The following PIR variants were observed in gnomAD, a reference collection of about 807,000 sequenced individuals.
PIR encodes pirin.
PIR carries 22 observed loss-of-function variants against 24.2 expected under a neutral mutation model. That is an observed-to-expected ratio of 0.91 (90% CI 0.65 to 1.30). The LOEUF is 1.30. Ranked by LOEUF, PIR falls within the 50% of genes most tolerant of loss-of-function variation. The pLI is 0.00. For synonymous variants in PIR, 80 were observed against 79.6 expected (o/e 1.00, Z -0.03); for missense variants, 220 against 220.3 (o/e 1.00, Z 0.01).
chrX:15,432,703 A>G (rs998455890), intron 5 of PIR, among the ~76,000 whole-genome samples: 1 of 112,358 alleles, frequency 8.9e-6, no homozygotes, highest in African/African-American at 3.2e-5. Context: ...AACACATTGA[A>G]GAAGAACCAG....
intron 5 of PIR, among the ~76,000 whole-genome samples, chrX:15,435,202 G>C (rs1181928190): frequency 9.8e-6 from 1 of 101,812 alleles, no homozygotes; most frequent in East Asian, 3.0e-4. Context: ...GTCAAAAAAA[G>C]AAAAAGAGAA....
chrX:15,474,924 A>G (rs1922113280), intron 3 of PIR, among the ~76,000 whole-genome samples: 1 of 112,196 alleles, frequency 8.9e-6, no homozygotes, highest in Non-Finnish European at 1.9e-5. Context: ...ATTAATAGGA[A>G]TATAGCTAAT....
At chrX:15,489,066 A>G (rs952226487) in intron 2 of PIR, among the ~76,000 whole-genome samples, 10 of 112,086 alleles carry the variant, frequency 8.9e-5, no homozygotes, top group Non-Finnish European at 1.9e-4. Context: ...AATGTAGTCA[A>G]TGCACCACAG....
chrX:15,421,491 T>C (rs760896626), intron 6 of PIR, among the ~76,000 whole-genome samples: 9 of 110,462 alleles, frequency 8.1e-5, no homozygotes, highest in Non-Finnish European at 1.3e-4. Flanking sequence ...ATACAAAGAA[T>C]CATTAGAGAC....
intron 1 of PIR, among the ~76,000 whole-genome samples, chrX:15,491,541 T>C (rs1195149949): frequency 1.8e-5 from 2 of 111,833 alleles, no homozygotes; most frequent in Non-Finnish European, 3.8e-5. Flanking sequence ...AACTATCTCA[T>C]GTAATCCTAC....
rs1450689347 is a variant in PIR at position 15,426,009 on chromosome X, C to A, written c.481-19G>T. 2 of 1,055,101 alleles carry A rather than the reference C, an allele frequency of 1.9e-6. No individual in the cohort carries two copies. Among genetic ancestry groups the A allele is most frequent in the East Asian group, 3.0e-5 (1 of 33,154 alleles). The allele number at this position is 1,055,101 out of a possible 1,213,427, so 87.0% of individuals were successfully genotyped here. ...CCTTGGACTGAAAAGGAAAAGGAAA[C>A]CATCAGTGTTTTTTTCTAAGAATAA... On this transcript the variant is annotated intron_variant, in intron 5 of 9. Coordinates refer to ENST00000380420, the MANE Select transcript of PIR (RefSeq NM_001018109.3).
At chrX:15,424,155 G>A (rs942021574) in intron 6 of PIR, among the ~76,000 whole-genome samples, 3 of 108,270 alleles carry the variant, frequency 2.8e-5, no homozygotes, top group East Asian at 5.9e-4. Flanking sequence ...TGTACAAAAC[G>A]TAGAATCAAC....
chrX:15,409,062 T>C (rs1237507688), intron 6 of PIR, among the ~76,000 whole-genome samples: 1 of 109,059 alleles, frequency 9.2e-6, no homozygotes, highest in Non-Finnish European at 1.9e-5. Flanking sequence ...CTGAAAGTAA[T>C]GTTACTTATT....
At chrX:15,466,271 C>T (rs1921590267) in intron 3 of PIR, among the ~76,000 whole-genome samples, 1 of 111,684 alleles carries the variant, frequency 9.0e-6, no homozygotes, top group South Asian at 3.7e-4. Context: ...CCCAACCCCA[C>T]ATACGCACCT....
intron 2 of PIR, among the ~76,000 whole-genome samples, chrX:15,490,279 C>T (rs1923084679): frequency 9.0e-6 from 1 of 111,566 alleles, no homozygotes; most frequent in African/African-American, 3.3e-5. Context: ...TTTTAAAACC[C>T]TATAAATACA....
chrX:15,410,229 C>T (rs113525430), intron 6 of PIR, among the ~76,000 whole-genome samples: 8,225 of 110,152 alleles, frequency 0.075, 770 homozygotes, highest in African/African-American at 0.25. Context: ...CCAGCCTGGG[C>T]GACAGAGCAA....
rs747918470 is a variant in PIR at position 15,454,676 on chromosome X, GT to G, written c.480+1171del. On this transcript the variant is annotated intron_variant, in intron 5 of 9. Transcript: ENST00000380420. Reference sequence around the variant, plus strand: ...CATCAAAAAATTAAAATTTACAGAAGTTAGTTTTAGATAGTTTTAAGTGCTG... The same window carrying G: ...CATCAAAAAATTAAAATTTACAGAAGTAGTTTTAGATAGTTTTAAGTGCTG... 2.7e-5 allele frequency among the ~76,000 whole-genome samples: 3 copies of G among 111,247 alleles called. No individual in the cohort carries two copies. In the Admixed American group the frequency reaches 2.9e-4, roughly 11 times the overall value.
rs1247164084 is a variant in PIR, at chrX:15,459,741, C to T, written c.190-1G>A. On this transcript the variant is annotated splice_acceptor_variant, in intron 3 of 9. Coordinates refer to ENST00000380420, the MANE Select transcript of PIR (RefSeq NM_001018109.3). LOFTEE classifies it high-confidence loss of function. ...TGCCCCCTTCCAGGAGGTAGGATAC[C>T]TTTGAAAAACAAACAGGAAAAAAAG... 9.0e-7 allele frequency: 1 copy of T among 1,113,873 alleles called. No homozygotes were observed. Among genetic ancestry groups the T allele is most frequent in the Admixed American group, 2.2e-5 (1 of 45,258 alleles). The allele number at this position is 1,113,873 out of a possible 1,213,427, so 91.8% of individuals were successfully genotyped here. A position where few individuals can be genotyped will look rare whatever the true frequency, so the allele number is the denominator to read the frequency against.
At chrX:15,470,296 A>G (rs887183589) in intron 3 of PIR, among the ~76,000 whole-genome samples, 26 of 111,774 alleles carry the variant, frequency 2.3e-4, no homozygotes, top group Non-Finnish European at 4.1e-4. Context: ...AGCTTCTCAT[A>G]TATCAGTAGT....
chrX:15,433,497 A>G (rs1350461109), intron 5 of PIR, among the ~76,000 whole-genome samples: 3 of 97,353 alleles, frequency 3.1e-5, no homozygotes, highest in African/African-American at 7.6e-5. Flanking sequence ...GAGGAAGAAG[A>G]AGGAGGAGGA....
At chrX:15,466,331 C>T (rs374694433) in intron 3 of PIR, among the ~76,000 whole-genome samples, 1 of 111,819 alleles carries the variant, frequency 8.9e-6, no homozygotes, top group South Asian at 3.8e-4. Flanking sequence ...ATAACCAACA[C>T]GGTTCAGGTA....
intron 6 of PIR, among the ~76,000 whole-genome samples, chrX:15,418,203 G>A (rs1174142202): frequency 9.0e-6 from 1 of 111,594 alleles, no homozygotes; most frequent in African/African-American, 3.3e-5. Context: ...CAAAGGTGCT[G>A]TAAAAGGAAA....
chrX:15,487,617 G>C (rs774610833), intron 2 of PIR, among the ~76,000 whole-genome samples: 3 of 112,249 alleles, frequency 2.7e-5, no homozygotes, highest in Non-Finnish European at 5.6e-5. Context: ...TCTGGTAGCA[G>C]GAGTGGGCAT....
chrX:15,390,400 A>G (rs1167471905), intron 8 of PIR, 149 bp from the exon 9 acceptor site: 3 of 339,416 alleles, frequency 8.8e-6, no homozygotes, highest in African/African-American at 5.3e-5. Flanking sequence ...GCAACACTCA[A>G]TATAGACATG....
Sources: allele counts gnomAD v4.1 joint callset (sites outside exome capture counted in the v4.1 genomes callset), GRCh38; gene constraint gnomAD v4.1.1; transcripts MANE v1.5; gene names NCBI Gene and HGNC (gene_info 2026-07-23, HGNC 2026-07-21).